The following MAF variants were observed in gnomAD, a reference collection of about 807,000 sequenced individuals.
The protein encoded by MAF is MAF bZIP transcription factor, also known as transcription factor Maf.
MAF carries 10 observed loss-of-function variants against 22.0 expected under a neutral mutation model. That is an observed-to-expected ratio of 0.45 (90% confidence interval 0.28 to 0.77). The LOEUF is 0.77. Ranked by LOEUF, MAF falls within the 30% of genes least tolerant of loss-of-function variation. MAF has a pLI of 0.12. For synonymous variants in MAF, 337 were observed against 255.8 expected (o/e 1.32, Z -3.03); for missense variants, 544 against 548.4 (o/e 0.99, Z 0.08).
the MAF span, among the ~76,000 whole-genome samples, chr16:79,351,119 T>A: frequency 6.6e-6 from 1 of 152,166 alleles, no homozygotes; most frequent in Non-Finnish European, 1.5e-5. Context: ...TGCTTCACGA[T>A]TGAGTCCTCA....
chr16:79,251,027 G>T, the MAF span, among the ~76,000 whole-genome samples: 1 of 152,164 alleles, frequency 6.6e-6, no homozygotes, highest in East Asian at 1.9e-4. Context: ...ATTTTATTAG[G>T]ACTTCACTAA....
chr16:79,461,500 G>T, the MAF span, among the ~76,000 whole-genome samples: 1 of 152,152 alleles, frequency 6.6e-6, no homozygotes, highest in Admixed American at 6.5e-5. Flanking sequence ...TGCCTAGGAA[G>T]CCCTCACGCG....
At chr16:79,319,710 A>G in the MAF span, among the ~76,000 whole-genome samples, 2 of 152,254 alleles carry the variant, frequency 1.3e-5, no homozygotes, top group Non-Finnish European at 2.9e-5. Context: ...TTTATTGAGC[A>G]ACTATGATGT....
the MAF span, among the ~76,000 whole-genome samples, chr16:79,222,079 G>C: frequency 6.6e-6 from 1 of 152,104 alleles, no homozygotes; most frequent in African/African-American, 2.4e-5. Context: ...AACGTTGTGG[G>C]AGAAATTTAA....
chr16:79,366,857 T>C, the MAF span, among the ~76,000 whole-genome samples: 2 of 152,222 alleles, frequency 1.3e-5, no homozygotes, highest in African/African-American at 4.8e-5. Context: ...GCCTGGCTCA[T>C]ACAGACTCTG....
chr16:79,248,447 G>C, the MAF span, among the ~76,000 whole-genome samples: 1 of 152,116 alleles, frequency 6.6e-6, no homozygotes, highest in Non-Finnish European at 1.5e-5. Flanking sequence ...TGATGTTCCA[G>C]ATTCTTCTAT....
chr16:79,496,842 C>G, the MAF span, among the ~76,000 whole-genome samples: 1 of 152,080 alleles, frequency 6.6e-6, no homozygotes. Flanking sequence ...TTTTGATTTT[C>G]TAGAATCTGA....
At chr16:79,471,267 T>C in the MAF span, among the ~76,000 whole-genome samples, 1 of 152,202 alleles carries the variant, frequency 6.6e-6, no homozygotes, top group African/African-American at 2.4e-5. Flanking sequence ...ATCTTACAGA[T>C]ACAAAACATC....
chr16:79,226,416 A>C, the MAF span, among the ~76,000 whole-genome samples: 4 of 152,168 alleles, frequency 2.6e-5, no homozygotes, highest in Non-Finnish European at 5.9e-5. Flanking sequence ...ATTAGGAGAC[A>C]TACCTAATGT....
chr16:79,213,087 C>T, the MAF span, among the ~76,000 whole-genome samples: 28 of 152,286 alleles, frequency 1.8e-4, no homozygotes, highest in East Asian at 3.9e-4. Context: ...CTCTTATCTG[C>T]GCATCCCATC....
At chr16:79,576,067 A>G in the MAF span, among the ~76,000 whole-genome samples, 3 of 152,080 alleles carry the variant, frequency 2.0e-5, no homozygotes, top group South Asian at 2.1e-4. Flanking sequence ...GTAAAAACCT[A>G]TAGGGTTACC....
At chr16:79,510,319 G>C in the MAF span, among the ~76,000 whole-genome samples, 1 of 152,316 alleles carries the variant, frequency 6.6e-6, no homozygotes, top group South Asian at 2.1e-4. Context: ...CACTAGAAGA[G>C]AGACTGTTTC....
chr16:79,571,530 A>ATTTTTTTTTTTTTTTTTTTTTTTTTTTT, the MAF span, among the ~76,000 whole-genome samples: 3 of 103,878 alleles, frequency 2.9e-5, no homozygotes, highest in African/African-American at 1.1e-4. Context: ...TCTCAGCGGA[A>ATTTTTTTTTTTTTTTTTTTTTTTTTTTT]TTTTTTTTTT....
At chr16:79,551,705 G>A in the MAF span, among the ~76,000 whole-genome samples, 1 of 152,152 alleles carries the variant, frequency 6.6e-6, no homozygotes, top group Non-Finnish European at 1.5e-5. Context: ...CAAAAGAATA[G>A]TATTTAATGA....
At chr16:79,386,000 G>T in the MAF span, among the ~76,000 whole-genome samples, 1 of 152,186 alleles carries the variant, frequency 6.6e-6, no homozygotes, top group Admixed American at 6.5e-5. Context: ...GGCTCTGAGG[G>T]TTGGAAACCA....
the MAF span, among the ~76,000 whole-genome samples, chr16:79,348,068 G>A: frequency 1.4e-4 from 21 of 152,188 alleles, no homozygotes; most frequent in African/African-American, 4.6e-4. Context: ...CAACATTAGT[G>A]TGACCTTTTC....
chr16:79,475,498 T>C, the MAF span, among the ~76,000 whole-genome samples: 2 of 152,060 alleles, frequency 1.3e-5, no homozygotes, highest in African/African-American at 4.8e-5. Context: ...TTTTCAAATG[T>C]CTGTGTATAT....
chr16:79,553,487 G>A, the MAF span, among the ~76,000 whole-genome samples: 1 of 152,206 alleles, frequency 6.6e-6, no homozygotes, highest in Non-Finnish European at 1.5e-5. Flanking sequence ...GAGTCAGTTT[G>A]TGCTCAGAAA....
the MAF span, among the ~76,000 whole-genome samples, chr16:79,550,518 T>C: frequency 3.9e-5 from 6 of 152,224 alleles, no homozygotes; most frequent in South Asian, 2.1e-4. Context: ...ATGTGACCCA[T>C]TGGGACAGAT....
Sources: allele counts gnomAD v4.1 joint callset (sites outside exome capture counted in the v4.1 genomes callset), GRCh38; gene constraint gnomAD v4.1.1; transcripts MANE v1.5; gene names NCBI Gene and HGNC (gene_info 2026-07-23, HGNC 2026-07-21).